IQGAP2: variants seen among roughly 807,000 people sequenced by gnomAD.
The protein encoded by IQGAP2 is ras GTPase-activating-like protein IQGAP2.
In IQGAP2, 173 loss-of-function variants were observed where a neutral mutation model predicts 201.3. The observed-to-expected ratio is 0.86, with a 90% CI of 0.76 to 0.98. The LOEUF (loss-of-function observed/expected upper bound fraction) is 0.98, where lower values mean the gene tolerates loss of function less well. Ranked by LOEUF, IQGAP2 falls within the 50% of genes least tolerant of loss-of-function variation. IQGAP2 has a pLI of 0.00. For missense variants in IQGAP2, 1,687 were observed against 1,864.8 expected (o/e 0.90, Z 1.76); for synonymous variants, 675 against 673.9 (o/e 1.00, Z -0.03).
chr5:76,692,325 T>C lies in IQGAP2; in HGVS notation c.3906-1030T>C, dbSNP rs1746335543. ...TGCCACCATGCCCAGCTAATTTTTGTATCCTTAGTAGGGATGGGGTTTCGC... is the reference window on the plus strand; with the variant it reads ...TGCCACCATGCCCAGCTAATTTTTGCATCCTTAGTAGGGATGGGGTTTCGC... On this transcript the variant is annotated intron_variant, in intron 30 of 35. Coordinates refer to ENST00000274364, the MANE Select transcript of IQGAP2 (RefSeq NM_006633.5). Among the ~76,000 whole-genome samples, 3 of 152,348 alleles carry C rather than the reference T, an allele frequency of 2.0e-5. No homozygotes were observed. In the South Asian group the frequency reaches 6.2e-4, roughly 32 times the overall value.
intron 13 of IQGAP2, among the ~76,000 whole-genome samples, chr5:76,623,914 G>A (rs1274455790): frequency 6.8e-6 from 1 of 146,818 alleles, no homozygotes; most frequent in African/African-American, 2.5e-5. Context: ...TCTTCGCCGG[G>A]TGAGGATGGC....
chr5:76,617,697 T>C (rs1749120472), intron 13 of IQGAP2: 2 of 1,614,030 alleles, frequency 1.2e-6, no homozygotes, highest in Non-Finnish European at 8.5e-7. Flanking sequence ...ATATATAAAA[T>C]ATAAGCCATC....
chr5:76,423,446 C>T (rs1346590445), intron 1 of IQGAP2, among the ~76,000 whole-genome samples: 1 of 152,130 alleles, frequency 6.6e-6, no homozygotes, highest in African/African-American at 2.4e-5. Context: ...GGTGGTGAAA[C>T]CCCGTTTCTA....
intron 1 of IQGAP2, among the ~76,000 whole-genome samples, chr5:76,416,717 A>G (rs1751425653): frequency 6.6e-6 from 1 of 152,168 alleles, no homozygotes; most frequent in Non-Finnish European, 1.5e-5. Flanking sequence ...TAGTAGGGAC[A>G]GGGTTTCATC....
intron 2 of IQGAP2, among the ~76,000 whole-genome samples, chr5:76,481,404 A>G (rs182900868): frequency 6.7e-6 from 1 of 150,170 alleles, no homozygotes; most frequent in East Asian, 1.9e-4. Flanking sequence ...TTTTTTCGAG[A>G]TGGAGTCTCG....
intron 1 of IQGAP2, among the ~76,000 whole-genome samples, chr5:76,450,604 A>C (rs917515578): frequency 6.6e-6 from 1 of 152,152 alleles, no homozygotes; most frequent in Non-Finnish European, 1.5e-5. Context: ...CACTTTATAA[A>C]TATGTACTAC....
chr5:76,495,645 T>C (rs1197429308), intron 2 of IQGAP2, among the ~76,000 whole-genome samples: 1 of 152,234 alleles, frequency 6.6e-6, no homozygotes, highest in African/African-American at 2.4e-5. Flanking sequence ...CTCATGGTTC[T>C]GCAGGCAATG....
At chr5:76,689,227 A>AT (rs1387742377) in intron 30 of IQGAP2, among the ~76,000 whole-genome samples, 20 of 76,638 alleles carry the variant, frequency 2.6e-4, no homozygotes, top group African/African-American at 3.5e-4. Context: ...GCACAGGGAT[A>AT]TTTAAAAAAA....
intron 12 of IQGAP2, chr5:76,608,006 A>C (rs77212759): frequency 6.6e-6 from 1 of 152,240 alleles, no homozygotes; most frequent in Admixed American, 6.5e-5. Context: ...GAAAGATTGT[A>C]GGGTTGACAT....
chr5:76,529,861 G>A (rs147231422), intron 2 of IQGAP2, among the ~76,000 whole-genome samples: 2,847 of 152,084 alleles, frequency 0.019, 36 homozygotes, highest in African/African-American at 0.034. Context: ...GGGGTGTTTT[G>A]AAGTGACTTG....
chr5:76,542,042 G>T (rs1742811540), intron 2 of IQGAP2, among the ~76,000 whole-genome samples: 1 of 152,146 alleles, frequency 6.6e-6, no homozygotes, highest in Non-Finnish European at 1.5e-5. Context: ...AGCATGAAGT[G>T]GTGCAATCAC....
chr5:76,658,551 G>T lies in IQGAP2; in HGVS notation c.2413G>T (p.Ala805Ser). 6.2e-7 allele frequency: 1 copy of T among 1,614,052 alleles called. No individual in the cohort carries two copies. The highest frequency in any genetic ancestry group is 2.2e-5 in the East Asian group (1 of 44,868). ...DLDFQEELEV[A>S]RLREEVVTKI... is the part of the protein sequence containing the mutation. ...GGATTTCCAGGAGGAACTAGAGGTT[G>T]CACGATTAAGGGAAGAAGTAGTGAC... The change falls in exon 21 of 36, where the codon GCA (alanine) becomes TCA (serine). Residue 805 changes from alanine to serine, a missense_variant. Physicochemically the swap from Ala to Ser is moderately conservative, Grantham distance 99. Coordinates refer to ENST00000274364, the MANE Select transcript of IQGAP2 (RefSeq NM_006633.5).
rs771194718 is a variant in IQGAP2, at chr5:76,654,973, A to G, written c.2290A>G (p.Asn764Asp). The change falls in exon 20 of 36, where the codon AAC becomes GAC. Residue 764 changes from asparagine (N) to aspartate (D), a missense_variant. Physicochemically the swap from Asn to Asp is conservative, Grantham distance 23. Coordinates refer to ENST00000274364, the MANE Select transcript of IQGAP2 (RefSeq NM_006633.5). ...IVKIQSLLRA[N>D]KARDDYKTLV... ...GAAAATACAGTCACTGTTGAGAGCG[A>G]ACAAAGCTAGAGATGACTACAAAAC... 6.2e-7 allele frequency: 1 copy of G among 1,613,148 alleles called. No homozygotes were observed. The highest frequency in any genetic ancestry group is 1.1e-5 in the South Asian group (1 of 91,012).
chr5:76,497,219 T>G (rs2150164035), intron 2 of IQGAP2, among the ~76,000 whole-genome samples: 1 of 152,346 alleles, frequency 6.6e-6, no homozygotes, highest in East Asian at 1.9e-4. Flanking sequence ...AGGCACTTTG[T>G]GCTGCCTGAT....
At chr5:76,415,571 G>A (rs1561354470) in intron 1 of IQGAP2, among the ~76,000 whole-genome samples, 1 of 152,224 alleles carries the variant, frequency 6.6e-6, no homozygotes, top group Non-Finnish European at 1.5e-5. Context: ...GTGTATGTGT[G>A]TACATGCATA....
intron 33 of IQGAP2, among the ~76,000 whole-genome samples, chr5:76,699,903 T>TTCTCTC (rs1186832045): frequency 1.4e-4 from 1 of 7,086 alleles, no homozygotes; most frequent in Non-Finnish European, 2.5e-4. Flanking sequence ...TTCTTTCTGT[T>TTCTCTC]TCTCTCTCTC....
In IQGAP2 at chr5:76,531,842, C is replaced by T. The variant is rs1398148090; in HGVS notation, c.147-30554C>T. On this transcript the variant is annotated intron_variant, in intron 2 of 35. Coordinates refer to ENST00000274364, the MANE Select transcript of IQGAP2 (RefSeq NM_006633.5). ...TAACAAAATGTCATAAACTGGGTGGCTTAGAAACCACAGAAATTTATTTCT... is the reference window on the plus strand; with the variant it reads ...TAACAAAATGTCATAAACTGGGTGGTTTAGAAACCACAGAAATTTATTTCT... 3.9e-5 allele frequency among the ~76,000 whole-genome samples: 6 copies of T among 152,268 alleles called. 1 individual carries two copies. The South Asian group carries it at 1.0e-3, about 26-fold the overall frequency.
At chr5:76,660,577 G>GT (rs1743161732) in intron 21 of IQGAP2, among the ~76,000 whole-genome samples, 1 of 152,128 alleles carries the variant, frequency 6.6e-6, no homozygotes. Flanking sequence ...TAAATAATAT[G>GT]TATCTTTTGG....
At chr5:76,530,195 A>G (rs1330241639) in intron 2 of IQGAP2, among the ~76,000 whole-genome samples, 2 of 152,130 alleles carry the variant, frequency 1.3e-5, no homozygotes, top group African/African-American at 4.8e-5. Context: ...ATGAAGTTTG[A>G]TTTTCATGTA....
Sources: gnomAD v4.1 joint callset for allele counts (sites outside exome capture counted in the v4.1 genomes callset) on GRCh38, gnomAD v4.1.1 for gene constraint, MANE v1.5 for transcripts, NCBI Gene and HGNC (gene_info 2026-07-23, HGNC 2026-07-21) for gene names.